The following GPI variants were observed in gnomAD, a reference collection of about 807,000 sequenced individuals.
GPI encodes D-hexose-6-phosphate anomerase.
A neutral mutation model predicts 75.8 loss-of-function variants in GPI; 56 were observed. The observed-to-expected ratio is 0.74, with a 90% confidence interval of 0.60 to 0.92. The LOEUF (loss-of-function observed/expected upper bound fraction) is 0.92, where lower values mean the gene tolerates loss of function less well. GPI is among the 40% of genes least tolerant of loss of function. The pLI is 0.00. For synonymous variants in GPI, 288 were observed against 285.4 expected, an observed-to-expected ratio of 1.01 and a Z score of -0.09; for missense variants, 638 against 741.0, an observed-to-expected ratio of 0.86 and a Z score of 1.61.
chr19:34,383,345 T>C (rs2074684388), intron 9 of GPI, among the ~76,000 whole-genome samples: 1 of 152,200 alleles, frequency 6.6e-6, no homozygotes, highest in East Asian at 1.9e-4. Flanking sequence ...GAGGTGGTTC[T>C]GTCAGGTGAA....
In GPI at chr19:34,365,355, T is replaced by G; in HGVS notation, c.89T>G (p.Phe30Cys). 1 of 1,590,800 alleles carries G rather than the reference T, an allele frequency of 6.3e-7. No individual in the cohort carries two copies. Among genetic ancestry groups the G allele is most frequent in the Non-Finnish European group, 8.5e-7 (1 of 1,170,528 alleles). Residue 30 changes from phenylalanine (F) to cysteine (C), a missense_variant, in exon 1 of 18, where the codon TTC becomes TGC. Coordinates refer to ENST00000356487, the MANE Select transcript of GPI (RefSeq NM_000175.5). The part of the protein sequence containing the change: ...HRSELNLRRL[F>C]DANKDRFNHF... Reference sequence around the variant, plus strand: ...TCCGAGCTGAACCTGCGCCGCCTCTTCGATGCCAACAAGGACCGCTTCAAC... The same window carrying G: ...TCCGAGCTGAACCTGCGCCGCCTCTGCGATGCCAACAAGGACCGCTTCAAC...
intron 12 of GPI, 69 bp downstream of exon 12, chr19:34,394,135 G>C (rs1280648399): frequency 1.7e-6 from 2 of 1,211,366 alleles, no homozygotes; most frequent in African/African-American, 1.5e-5. Context: ...CTAGGAACCT[G>C]GGTTTCAGCT....
intron 9 of GPI, among the ~76,000 whole-genome samples, chr19:34,385,701 G>A (rs925783152): frequency 6.6e-6 from 1 of 152,222 alleles, no homozygotes; most frequent in African/African-American, 2.4e-5. Context: ...GAGGTGTGAA[G>A]TAGAGGTAGG....
intron 4 of GPI, 34 bp downstream of exon 4, chr19:34,368,736 C>T (rs370011159): frequency 9.9e-6 from 16 of 1,613,456 alleles, no homozygotes; most frequent in African/African-American, 5.3e-5. Flanking sequence ...CACCCTTGGC[C>T]GTGTGTGTGA....
At chr19:34,365,095 C>G (rs1442122292), upstream of GPI, 71 of 1,204,610 alleles carry the variant, frequency 5.9e-5, no homozygotes, top group Non-Finnish European at 7.3e-5. Flanking sequence ...GCCTGGGTAT[C>G]GGGGCGCGGG....
rs749828679 is a variant in GPI at position 34,374,130 on chromosome 19, C to CTTT, written c.403-3352_403-3350dup. Among the ~76,000 whole-genome samples, 46 of 114,100 alleles carry CTTT rather than the reference C, an allele frequency of 4.0e-4. No individual in the cohort carries two copies. The East Asian group carries it at 6.6e-3, about 16-fold the overall frequency. The allele number at this position is 114,100 out of a possible 152,430, so 74.9% of individuals were successfully genotyped here. ...TACAGGTGCCCGCCACCATGCCCGC[C>CTTT]TTTTTTTTTTTTTTTTTTTTTTTAA... On this transcript the variant is annotated intron_variant, in intron 4 of 17. Coordinates refer to ENST00000356487, the MANE Select transcript of GPI (RefSeq NM_000175.5).
intron 9 of GPI, among the ~76,000 whole-genome samples, chr19:34,389,207 G>A (rs779779405): frequency 6.6e-6 from 1 of 152,192 alleles, no homozygotes; most frequent in Non-Finnish European, 1.5e-5. Context: ...CGGAAACCCA[G>A]AGCCTTTCCA....
At chr19:34,374,582 G>A (rs765023617) in intron 4 of GPI, among the ~76,000 whole-genome samples, 24 of 152,194 alleles carry the variant, frequency 1.6e-4, no homozygotes, top group Non-Finnish European at 2.6e-4. Flanking sequence ...ATTTCCTTTA[G>A]TACAGTTCCT....
Position 34,377,880 on chromosome 19 carries a change from A to G in GPI, c.632A>G (p.Lys211Arg). Residue 211 changes from lysine (K) to arginine (R), a missense_variant and splice_region_variant, in exon 6 of 18, where the codon AAG becomes AGG. Coordinates refer to ENST00000356487, the MANE Select transcript of GPI (RefSeq NM_000175.5). Reference sequence around the variant, plus strand: ...TCCTCCCTGTTCATCATTGCCTCCAAGGTATGAGTGCCGAAAACTGCCCGG... The same window carrying G: ...TCCTCCCTGTTCATCATTGCCTCCAGGGTATGAGTGCCGAAAACTGCCCGG... ...PESSLFIIASKTFTTQETITN... is the reference protein window; with the variant it reads ...PESSLFIIASRTFTTQETITN... The G allele has an allele frequency of 1.9e-6, 3 of 1,613,992 alleles. No individual in the cohort carries two copies. Among genetic ancestry groups the G allele is most frequent in the Non-Finnish European group, 1.7e-6 (2 of 1,179,978 alleles).
intron 4 of GPI, among the ~76,000 whole-genome samples, chr19:34,371,992 G>C (rs2074460655): frequency 6.6e-6 from 1 of 150,640 alleles, no homozygotes; most frequent in Admixed American, 6.6e-5. Context: ...GTGCAATGGC[G>C]AGTTCTCGGC....
At chr19:34,377,251 G>A (rs1402705907) in intron 4 of GPI, among the ~76,000 whole-genome samples, 1 of 123,260 alleles carries the variant, frequency 8.1e-6, no homozygotes, top group African/African-American at 3.1e-5. Context: ...GCAGGGAGCC[G>A]AGATCATGCC....
chr19:34,379,736 A>G (rs1235384149), intron 8 of GPI, 174 bp downstream of exon 8: 2 of 724,756 alleles, frequency 2.8e-6, no homozygotes, highest in East Asian at 2.5e-5. Flanking sequence ...GCATTTACCC[A>G]TTCAACCTCT....
Position 34,399,974 on chromosome 19 carries a change from G to A in GPI, c.1615G>A (p.Asp539Asn), listed in dbSNP as rs137853585. The change falls in exon 18 of 18, where the codon GAC becomes AAC. Residue 539 changes from aspartate to asparagine, a missense_variant. Transcript: ENST00000356487. ...LDGSAQVTSH[D>N]ASTNGLINFI... ...TGGCAGTGCTCAAGTGACCTCTCAC[G>A]ACGCTTCTACCAATGGGCTCATCAA... 8 of 1,613,810 alleles carry A rather than the reference G, an allele frequency of 5.0e-6. No homozygotes were observed. The highest frequency in any genetic ancestry group is 4.5e-5 in the East Asian group (2 of 44,868).
chr19:34,371,804 A>G (rs1397366664), intron 4 of GPI, among the ~76,000 whole-genome samples: 2 of 150,216 alleles, frequency 1.3e-5, no homozygotes, highest in South Asian at 4.4e-4. Flanking sequence ...GCAGTGAGCC[A>G]AGATCACGCC....
intron 3 of GPI, among the ~76,000 whole-genome samples, chr19:34,367,683 A>G (rs1352473328): frequency 1.3e-5 from 2 of 152,072 alleles, no homozygotes; most frequent in African/African-American, 4.8e-5. Context: ...ACTTCAGGCC[A>G]TTTCACTCAC....
At chr19:34,383,941 T>C (rs1387376198) in intron 9 of GPI, among the ~76,000 whole-genome samples, 1 of 152,176 alleles carries the variant, frequency 6.6e-6, no homozygotes, top group East Asian at 1.9e-4. Flanking sequence ...GTGTGTATAA[T>C]GCAGCCTTTC....
rs754782152 is a variant in GPI at position 34,393,925 on chromosome 19, C to G, written c.921C>G (p.Phe307Leu). Residue 307 changes from phenylalanine (F) to leucine (L), a missense_variant, in exon 12 of 18, where the codon TTC becomes TTG. Coordinates refer to ENST00000356487, the MANE Select transcript of GPI (RefSeq NM_000175.5). The surrounding 1 kb of genome is among the most constrained non-coding windows in gnomAD (Gnocchi z 4.4). Reference sequence around the variant, plus strand: ...TGCTCCTGTTTCAGGACCAGCACTTCCGCACGACGCCCCTGGAGAAGAACG... The same window carrying G: ...TGCTCCTGTTTCAGGACCAGCACTTGCGCACGACGCCCCTGGAGAAGAACG... The part of the protein sequence containing the change: ...LSGAHWMDQH[F>L]RTTPLEKNAP... The G allele has an allele frequency of 1.2e-6, 2 of 1,613,764 alleles. No individual in the cohort carries two copies. Among genetic ancestry groups the G allele is most frequent in the South Asian group, 2.2e-5 (2 of 91,078 alleles).
intron 9 of GPI, among the ~76,000 whole-genome samples, chr19:34,383,887 G>A (rs1462999992): frequency 1.3e-5 from 2 of 152,202 alleles, no homozygotes; most frequent in Admixed American, 6.5e-5. Context: ...GAGGTCAGCA[G>A]CCAGGGATCT....
chr19:34,394,589 C>T (rs928994603), intron 12 of GPI, among the ~76,000 whole-genome samples: 4 of 41,402 alleles, frequency 9.7e-5, no homozygotes, highest in Non-Finnish European at 2.2e-4. Context: ...AAGTGTGTAT[C>T]TAGTCTGTGG....
Sources: gnomAD v4.1 joint callset for allele counts (sites outside exome capture counted in the v4.1 genomes callset) on GRCh38, gnomAD v4.1.1 for gene constraint, Gnocchi (gnomAD v3.1) non-coding constraint, MANE v1.5 for transcripts, NCBI Gene and HGNC (gene_info 2026-07-23, HGNC 2026-07-21) for gene names.